Variants in ACO1 observed in about 807,000 individuals in gnomAD.
The protein encoded by ACO1 is cytoplasmic aconitate hydratase.
Under a neutral mutation model 105.1 loss-of-function variants are expected in ACO1, and 78 were observed. That is an observed-to-expected ratio of 0.74 (90% confidence interval 0.62 to 0.90). ACO1 has a LOEUF of 0.90. ACO1 is among the 40% of genes least tolerant of loss of function. The probability of loss-of-function intolerance (pLI) is 0.00; values close to 1 mark genes in which losing one functional copy is unlikely to be tolerated. For missense variants in ACO1, 965 were observed against 1,111.1 expected, an observed-to-expected ratio of 0.87 and a Z score of 1.87; for synonymous variants, 364 against 397.4, an observed-to-expected ratio of 0.92 and a Z score of 1.00.
chr9:32,443,793 A>C (rs1288220535), intron 19 of ACO1, among the ~76,000 whole-genome samples: 2 of 152,216 alleles, frequency 1.3e-5, no homozygotes, highest in African/African-American at 4.8e-5. Flanking sequence ...AGGTTACAAA[A>C]TATATGCAAA....
At chr9:32,411,900 A>G (rs1214224634) in intron 4 of ACO1, among the ~76,000 whole-genome samples, 3 of 151,942 alleles carry the variant, frequency 2.0e-5, no homozygotes, top group Non-Finnish European at 4.4e-5. Flanking sequence ...ATTTTTTGAG[A>G]CAGGTTCTCA....
At chr9:32,447,582 C>T (rs1822645314) in intron 19 of ACO1, among the ~76,000 whole-genome samples, 1 of 152,212 alleles carries the variant, frequency 6.6e-6, no homozygotes, top group African/African-American at 2.4e-5. Context: ...TTGTCAATCT[C>T]ATTCACCGTC....
chr9:32,398,013 A>T (rs1283055735), intron 1 of ACO1, among the ~76,000 whole-genome samples: 1 of 152,122 alleles, frequency 6.6e-6, no homozygotes, highest in Non-Finnish European at 1.5e-5. Flanking sequence ...CAAAACAAAC[A>T]AACAAAAAAC....
At chr9:32,431,951 G>T in intron 15 of ACO1, 108 bp downstream of exon 15, 1 of 1,290,866 alleles carries the variant, frequency 7.7e-7, no homozygotes, top group Non-Finnish European at 1.0e-6. Context: ...ACTATATAAA[G>T]TAACATTTAT....
In ACO1 at chr9:32,407,549, T is replaced by A. The variant is rs1222104139; in HGVS notation, c.266+120T>A. 3 of 929,492 alleles carry A rather than the reference T, an allele frequency of 3.2e-6. No individual in the cohort carries two copies. The East Asian group carries it at 8.0e-5, about 25-fold the overall frequency. 57.6% of individuals were successfully genotyped at this position (929,492 alleles called of 1,614,324 possible). On this transcript the variant is annotated intron_variant, in intron 3 of 20. Transcript: ENST00000309951. Reference sequence around the variant, plus strand: ...TATACTTTATTAATTTATGACTATATAATATTATATACCCATATCCAGACA... The same window carrying A: ...TATACTTTATTAATTTATGACTATAAAATATTATATACCCATATCCAGACA...
At chr9:32,428,593 C>T (rs541239113) in intron 12 of ACO1, among the ~76,000 whole-genome samples, 1 of 151,950 alleles carries the variant, frequency 6.6e-6, no homozygotes, top group South Asian at 2.1e-4. Context: ...AATCCCAGCA[C>T]TTTGGGAGGC....
intron 19 of ACO1, among the ~76,000 whole-genome samples, chr9:32,446,497 G>C (rs1822612128): frequency 6.6e-6 from 1 of 152,036 alleles, no homozygotes; most frequent in Non-Finnish European, 1.5e-5. Context: ...ACCTGAGATG[G>C]GTCTTCTGAA....
At chr9:32,420,171 C>T (rs948590772) in intron 7 of ACO1, among the ~76,000 whole-genome samples, 3 of 152,156 alleles carry the variant, frequency 2.0e-5, no homozygotes, top group African/African-American at 7.2e-5. Flanking sequence ...CTAAGTCAGT[C>T]ACTGTGGCCT....
At chr9:32,385,350 C>T (rs561062807) in intron 1 of ACO1, among the ~76,000 whole-genome samples, 1 of 152,294 alleles carries the variant, frequency 6.6e-6, no homozygotes, top group African/African-American at 2.4e-5. Flanking sequence ...ATGTAACTCT[C>T]TTCCCTGGGG....
chr9:32,431,816 G>C lies in ACO1; in HGVS notation c.1824G>C (p.Met608Ile). ...AVERQYVIPG[M>I]FKEVYQKIET... ...AGCGTCAGTATGTCATCCCGGGGAT[G>C]TTTAAGGAAGTCTATCAGAAAATAG... The change falls in exon 15 of 21, where the codon ATG (methionine) becomes ATC (isoleucine). Residue 608 changes from methionine to isoleucine, a missense_variant. Physicochemically the swap from Met to Ile is conservative, Grantham distance 10. Coordinates refer to ENST00000309951, the MANE Select transcript of ACO1 (RefSeq NM_002197.3). 3.1e-6 allele frequency: 5 copies of C among 1,614,114 alleles called. No homozygotes were observed. Among genetic ancestry groups the C allele is most frequent in the Non-Finnish European group, 4.2e-6 (5 of 1,180,000 alleles).
chr9:32,430,575 G>C lies in ACO1; in HGVS notation c.1726+1G>C. ...ATCGACTTTGAGAAAGAGCCATTGG[G>C]TAAGATTTTGTTTGTGCAGCCATAA... On this transcript the variant is annotated splice_donor_variant, in intron 14 of 20. Coordinates refer to ENST00000309951, the MANE Select transcript of ACO1 (RefSeq NM_002197.3). LOFTEE classifies it high-confidence loss of function. 6.3e-7 allele frequency: 1 copy of C among 1,597,010 alleles called. No homozygotes were observed.
chr9:32,453,885 C>T lies in ACO1; in HGVS notation c.*3774C>T, dbSNP rs983053210. ...GTCATTATGAACAAAGATTATATAA[C>T]GATAGCTGATATTAAGTAAGTTTTA... is the stretch of plus-strand genomic sequence containing the variant. On this transcript the variant is annotated 3_prime_UTR_variant, in exon 21 of 21. Coordinates refer to ENST00000309951, the MANE Select transcript of ACO1 (RefSeq NM_002197.3). 2.0e-5 allele frequency: 3 copies of T among 152,182 alleles called. No homozygotes were observed. Among genetic ancestry groups the T allele is most frequent in the South Asian group, 2.1e-4 (1 of 4,826 alleles). The allele number at this position is 152,182 out of a possible 1,614,324, so 9.4% of individuals were successfully genotyped here. A position where few individuals can be genotyped will look rare whatever the true frequency, so the allele number is the denominator to read the frequency against.
intron 2 of ACO1, among the ~76,000 whole-genome samples, chr9:32,406,203 G>A (rs960656122): frequency 8.5e-5 from 13 of 152,132 alleles, no homozygotes; most frequent in Non-Finnish European, 1.6e-4. Flanking sequence ...AAAGATGTAC[G>A]TGCATATACT....
chr9:32,429,504 G>A lies in ACO1; in HGVS notation c.1569+1G>A. On this transcript the variant is annotated splice_donor_variant, in intron 13 of 20. Coordinates refer to ENST00000309951, the MANE Select transcript of ACO1 (RefSeq NM_002197.3). LOFTEE classifies it high-confidence loss of function. ...ACCTGTGGTAGAAGCCATCACACAG[G>A]TAATTGCAGAGGTCCCTGCAGGTCT... 1 of 1,613,872 alleles carries A rather than the reference G, an allele frequency of 6.2e-7. No individual in the cohort carries two copies. The highest frequency in any genetic ancestry group is 8.5e-7 in the Non-Finnish European group (1 of 1,179,756).
intron 20 of ACO1, among the ~76,000 whole-genome samples, chr9:32,449,436 T>C (rs1822705207): frequency 6.6e-6 from 1 of 152,030 alleles, no homozygotes; most frequent in Non-Finnish European, 1.5e-5. Context: ...TACTCACCCC[T>C]CCCTAAGCCT....
intron 1 of ACO1, among the ~76,000 whole-genome samples, chr9:32,392,794 A>G (rs1308344612): frequency 6.6e-6 from 1 of 152,236 alleles, no homozygotes; most frequent in African/African-American, 2.4e-5. Flanking sequence ...AAGAACATAA[A>G]TTGTGAAGAT....
Position 32,452,833 on chromosome 9 carries a change from G to A in ACO1, c.*2722G>A, listed in dbSNP as rs554229334. The stretch of plus-strand genomic sequence containing the variant: ...AATAAATAAAATAAATCAGCCAGGT[G>A]TGCACCTGTGGTCCCAGCTGTTCAG... On this transcript the variant is annotated 3_prime_UTR_variant, in exon 21 of 21. Coordinates refer to ENST00000309951, the MANE Select transcript of ACO1 (RefSeq NM_002197.3). 3.3e-4 allele frequency: 50 copies of A among 152,118 alleles called. No individual in the cohort carries two copies. Among genetic ancestry groups the A allele is most frequent in the African/African-American group, 1.2e-3 (49 of 41,484 alleles). 9.4% of individuals were successfully genotyped at this position (152,118 alleles called of 1,614,324 possible).
Position 32,423,396 on chromosome 9 carries a change from T to C in ACO1, c.1048T>C (p.Ser350Pro). 1.2e-6 allele frequency: 2 copies of C among 1,601,660 alleles called. No homozygotes were observed. Among genetic ancestry groups the C allele is most frequent in the Non-Finnish European group, 1.7e-6 (2 of 1,175,006 alleles). ...VGMFRDFNDPSQDPDFTQVVE... is the reference protein window; with the variant it reads ...VGMFRDFNDPPQDPDFTQVVE... ...AATGTTTCGAGATTTCAATGACCCTTCTCAAGACCCAGACTTCACCCAGGT... is the reference window on the plus strand; with the variant it reads ...AATGTTTCGAGATTTCAATGACCCTCCTCAAGACCCAGACTTCACCCAGGT... Residue 350 changes from serine to proline, a missense_variant, in exon 9 of 21, where the codon TCT becomes CCT. Coordinates refer to ENST00000309951, the MANE Select transcript of ACO1 (RefSeq NM_002197.3).
chr9:32,393,392 C>T (rs1022014585), intron 1 of ACO1, among the ~76,000 whole-genome samples: 2 of 152,122 alleles, frequency 1.3e-5, no homozygotes, highest in Non-Finnish European at 2.9e-5. Flanking sequence ...CGAGGAAATT[C>T]CCTCCTAATA....
Sources: gnomAD v4.1 joint callset for allele counts (sites outside exome capture counted in the v4.1 genomes callset) on GRCh38, gnomAD v4.1.1 for gene constraint, MANE v1.5 for transcripts, NCBI Gene and HGNC (gene_info 2026-07-23, HGNC 2026-07-21) for gene names.